The following SCN1A variants were observed in gnomAD, a reference collection of about 807,000 sequenced individuals.
SCN1A encodes the protein sodium channel protein type 1 subunit alpha.
A neutral mutation model predicts 193.7 loss-of-function variants in SCN1A; 13 were observed. The observed-to-expected ratio is 0.07, with a 90% CI of 0.04 to 0.11. The LOEUF (loss-of-function observed/expected upper bound fraction) is 0.11. Ranked by LOEUF, SCN1A falls within the 10% of genes least tolerant of loss-of-function variation. The pLI is 1.00. For synonymous variants in SCN1A, 781 were observed against 843.6 expected (o/e 0.93, Z 1.29); for missense variants, 1,432 against 2,451.1 (o/e 0.58, Z 8.78).
intron 1 of SCN1A, among the ~76,000 whole-genome samples, chr2:166,144,303 T>C (rs1692214824): frequency 6.6e-6 from 1 of 152,210 alleles, no homozygotes; most frequent in Non-Finnish European, 1.5e-5. Flanking sequence ...GCATTTTCGT[T>C]GGTGAAAACA....
At chr2:166,098,793 C>T (rs1268921573) in intron 2 of SCN1A, among the ~76,000 whole-genome samples, 3 of 152,126 alleles carry the variant, frequency 2.0e-5, no homozygotes, top group Admixed American at 1.3e-4. Context: ...CCTAGTAACA[C>T]AGCTAACCAG....
chr2:166,009,687 T>C (rs1301450324), intron 23 of SCN1A, 32 bp downstream of exon 23: 8 of 1,592,650 alleles, frequency 5.0e-6, no homozygotes, highest in Non-Finnish European at 6.9e-6. Context: ...TTTGGCTATA[T>C]ACAATACTTC....
chr2:166,121,639 C>T (rs1690607769), intron 2 of SCN1A, among the ~76,000 whole-genome samples: 1 of 152,056 alleles, frequency 6.6e-6, no homozygotes, highest in African/African-American at 2.4e-5. Context: ...CATTATTATC[C>T]AGTAGGAGGA....
intron 2 of SCN1A, among the ~76,000 whole-genome samples, chr2:166,111,415 C>G (rs1689278190): frequency 6.6e-6 from 1 of 151,760 alleles, no homozygotes; most frequent in African/African-American, 2.4e-5. Context: ...ATGTTTTAAG[C>G]CTGCTATTGA....
At chr2:166,004,287 C>A (rs1206429616) in intron 23 of SCN1A, among the ~76,000 whole-genome samples, 2 of 151,560 alleles carry the variant, frequency 1.3e-5, no homozygotes, top group African/African-American at 4.8e-5. Context: ...ATCCAGATTA[C>A]AATGCTGTTT....
chr2:166,033,994 A>C (rs1447961217), intron 19 of SCN1A, among the ~76,000 whole-genome samples: 2 of 150,876 alleles, frequency 1.3e-5, no homozygotes, highest in Non-Finnish European at 3.0e-5. Context: ...ACAATTTTTC[A>C]AAAAATTAGC....
chr2:166,108,290 T>A (rs1688913253), intron 2 of SCN1A, among the ~76,000 whole-genome samples: 1 of 151,350 alleles, frequency 6.6e-6, no homozygotes, highest in African/African-American at 2.4e-5. Context: ...ATAATAATAA[T>A]AAAAAAAACA....
chr2:166,121,748 G>C (rs1384679478), intron 2 of SCN1A, among the ~76,000 whole-genome samples: 1 of 152,124 alleles, frequency 6.6e-6, no homozygotes, highest in African/African-American at 2.4e-5. Flanking sequence ...TATGATTTTA[G>C]TAGTCATAAG....
intron 15 of SCN1A, 116 bp downstream of exon 15, chr2:166,042,176 T>C: frequency 1.0e-6 from 1 of 1,000,268 alleles, no homozygotes; most frequent in East Asian, 2.4e-5. Flanking sequence ...AGCTCTTGAA[T>C]TAGACTGTCT....
chr2:166,004,314 G>A (rs1221508646), intron 23 of SCN1A, among the ~76,000 whole-genome samples: 1 of 151,476 alleles, frequency 6.6e-6, no homozygotes, highest in Admixed American at 6.6e-5. Context: ...TGTATACACA[G>A]AGTACTAATT....
Position 165,989,265 on chromosome 2 carries a change from TTATC to T in SCN1A, c.*1976_*1979del, listed in dbSNP as rs1440460205. 1.3e-5 allele frequency: 2 copies of T among 152,520 alleles called. No individual in the cohort carries two copies. Among genetic ancestry groups the T allele is most frequent in the Non-Finnish European group, 2.9e-5 (2 of 68,014 alleles). 9.4% of individuals were successfully genotyped at this position (152,520 alleles called of 1,614,324 possible). On this transcript the variant is annotated 3_prime_UTR_variant, in exon 29 of 29. Transcript: ENST00000674923. ...CCAGCATGCAGTTCACGAATACAGT[TTATC>T]TAAGTAGTTTTAAGGAAAAGAGGAG...
intron 2 of SCN1A, among the ~76,000 whole-genome samples, chr2:166,122,520 C>G (rs995965234): frequency 1.3e-5 from 2 of 152,152 alleles, no homozygotes; most frequent in Non-Finnish European, 2.9e-5. Context: ...AAGAATCTCA[C>G]TGACCTTTTC....
intron 1 of SCN1A, among the ~76,000 whole-genome samples, chr2:166,138,992 C>T (rs1691974240): frequency 6.6e-6 from 1 of 152,200 alleles, no homozygotes; most frequent in Non-Finnish European, 1.5e-5. Context: ...GACTGCCCTG[C>T]TGGATTTCAG....
At chr2:166,053,218 T>A in intron 7 of SCN1A, 1 of 641,876 alleles carries the variant, frequency 1.6e-6, no homozygotes, top group Non-Finnish European at 2.8e-6. Context: ...TTGGTGATTT[T>A]AAATGATAAA....
intron 6 of SCN1A, among the ~76,000 whole-genome samples, chr2:166,056,028 C>T (rs1699094586): frequency 6.6e-6 from 1 of 152,084 alleles, no homozygotes; most frequent in Non-Finnish European, 1.5e-5. Context: ...GTTGTCTTCA[C>T]ATGGCATTTG....
intron 21 of SCN1A, among the ~76,000 whole-genome samples, chr2:166,013,143 A>C (rs1692764424): frequency 6.6e-6 from 1 of 151,406 alleles, no homozygotes; most frequent in South Asian, 2.1e-4. Context: ...TTTATAAATA[A>C]TTTTCCTATA....
At chr2:166,054,294 A>G (rs1454697375) in intron 7 of SCN1A, among the ~76,000 whole-genome samples, 2 of 152,004 alleles carry the variant, frequency 1.3e-5, no homozygotes, top group African/African-American at 4.8e-5. Flanking sequence ...TGTAATTTTT[A>G]AAGTTATTTT....
upstream of SCN1A, among the ~76,000 whole-genome samples, chr2:166,131,462 C>T (rs182637383): frequency 3.1e-3 from 465 of 151,950 alleles, 4 homozygotes; most frequent in African/African-American, 0.011. Flanking sequence ...CTGCTCAGTG[C>T]CAAAACATAA....
At chr2:166,130,686 A>G (rs973915644), upstream of SCN1A, among the ~76,000 whole-genome samples, 2 of 152,194 alleles carry the variant, frequency 1.3e-5, no homozygotes, top group Non-Finnish European at 1.5e-5. Context: ...ATAAATGACT[A>G]TTCTCATACA....
Sources: gnomAD v4.1 joint callset for allele counts (sites outside exome capture counted in the v4.1 genomes callset) on GRCh38, gnomAD v4.1.1 for gene constraint, MANE v1.5 for transcripts, NCBI Gene and HGNC (gene_info 2026-07-23, HGNC 2026-07-21) for gene names.